Variants in SORCS3 observed in about 807,000 individuals in gnomAD.
The protein encoded by SORCS3 is VPS10 domain-containing receptor SorCS3.
Under a neutral mutation model 146.3 loss-of-function variants are expected in SORCS3, and 57 were observed. That is an observed-to-expected ratio of 0.39 (90% CI 0.31 to 0.49). SORCS3 has a LOEUF of 0.49. SORCS3 is among the 20% of genes least tolerant of loss of function. The pLI, the probability that SORCS3 is intolerant of heterozygous loss-of-function variation, is 0.92. For synonymous variants in SORCS3, 653 were observed against 618.5 expected (o/e 1.06, Z -0.83); for missense variants, 1,341 against 1,575.5 (o/e 0.85, Z 2.52).
At chr10:104,908,918 A>G (rs1237548233) in intron 2 of SORCS3, among the ~76,000 whole-genome samples, 3 of 152,216 alleles carry the variant, frequency 2.0e-5, no homozygotes, top group Admixed American at 6.5e-5. Context: ...ACAGAGGCAG[A>G]TGTTTGACCT....
intron 14 of SORCS3, among the ~76,000 whole-genome samples, chr10:105,198,459 A>C (rs1389185002): frequency 6.6e-6 from 1 of 152,216 alleles, no homozygotes. Context: ...TCTTCAAACA[A>C]GCAAAAATGT....
chr10:105,065,041 G>A (rs1380160662), intron 5 of SORCS3, among the ~76,000 whole-genome samples: 3 of 152,164 alleles, frequency 2.0e-5, no homozygotes, highest in Non-Finnish European at 4.4e-5. Flanking sequence ...AAATCACGTA[G>A]GGTGCAGGTA....
chr10:105,024,438 T>C (rs1427684987), intron 4 of SORCS3, among the ~76,000 whole-genome samples: 8 of 152,188 alleles, frequency 5.3e-5, no homozygotes, highest in Non-Finnish European at 1.2e-4. Flanking sequence ...GACAAGGATG[T>C]AGGCCCATCT....
chr10:105,174,564 A>C (rs2056384554), intron 13 of SORCS3, among the ~76,000 whole-genome samples: 1 of 152,110 alleles, frequency 6.6e-6, no homozygotes, highest in African/African-American at 2.4e-5. Flanking sequence ...TTTATTCTTC[A>C]TAACTGCCTC....
chr10:105,049,659 C>G (rs932736838), intron 5 of SORCS3, among the ~76,000 whole-genome samples: 1 of 151,948 alleles, frequency 6.6e-6, no homozygotes, highest in Non-Finnish European at 1.5e-5. Context: ...AAATCATGTC[C>G]TTTGCAGCAA....
intron 2 of SORCS3, among the ~76,000 whole-genome samples, chr10:104,912,682 A>G (rs2018981134): frequency 6.6e-6 from 1 of 152,220 alleles, no homozygotes; most frequent in Non-Finnish European, 1.5e-5. Flanking sequence ...AAAAACTATT[A>G]CTTTCAGCAG....
intron 1 of SORCS3, among the ~76,000 whole-genome samples, chr10:104,743,053 T>G (rs1473422430): frequency 6.6e-6 from 1 of 152,098 alleles, no homozygotes; most frequent in Non-Finnish European, 1.5e-5. Flanking sequence ...AATAATCCTG[T>G]GGGGTGGATA....
At chr10:104,954,844 G>A (rs2019470161) in intron 3 of SORCS3, among the ~76,000 whole-genome samples, 1 of 152,142 alleles carries the variant, frequency 6.6e-6, no homozygotes, top group African/African-American at 2.4e-5. Context: ...CAAGCTAGGT[G>A]GGAGTTAGTT....
At chr10:104,782,199 A>G (rs2017381680) in intron 1 of SORCS3, among the ~76,000 whole-genome samples, 1 of 152,328 alleles carries the variant, frequency 6.6e-6, no homozygotes, top group South Asian at 2.1e-4. Context: ...AGTGACTGAC[A>G]GGCACTGTCA....
chr10:105,245,566 A>G lies in SORCS3; in HGVS notation c.2893A>G (p.Ile965Val). The G allele has an allele frequency of 6.2e-7, 1 of 1,614,144 alleles. No individual in the cohort carries two copies. The highest frequency in any genetic ancestry group is 2.2e-5 in the East Asian group (1 of 44,872). ...GCCTCTCATCACTTTGGACAGCAGC[A>G]TTTCCTTCACATTCCTTGCAGAAGG... ...TKPLITLDSSISFTFLAEGTD... is the reference protein window; with the variant it reads ...TKPLITLDSSVSFTFLAEGTD... Residue 965 changes from isoleucine to valine, a missense_variant, in exon 21 of 27, where the codon ATT becomes GTT. By Grantham distance (29) the Ile-to-Val change is conservative. Coordinates refer to ENST00000369701, the MANE Select transcript of SORCS3 (RefSeq NM_014978.3).
chr10:104,716,063 T>C (rs935512299), intron 1 of SORCS3, among the ~76,000 whole-genome samples: 1 of 152,182 alleles, frequency 6.6e-6, no homozygotes, highest in East Asian at 1.9e-4. Flanking sequence ...GAATCCTCTT[T>C]CCCCAAATCT....
intron 1 of SORCS3, among the ~76,000 whole-genome samples, chr10:104,745,097 G>A (rs1316735711): frequency 1.3e-5 from 2 of 152,124 alleles, no homozygotes; most frequent in African/African-American, 2.4e-5. Context: ...TTTGAGGAGC[G>A]ATGTTCCATT....
At chr10:104,953,461 G>T (rs576036486) in intron 3 of SORCS3, among the ~76,000 whole-genome samples, 4 of 152,326 alleles carry the variant, frequency 2.6e-5, no homozygotes, top group Admixed American at 1.3e-4. Flanking sequence ...GTAGATTCAG[G>T]ACTTTGCTCT....
chr10:105,151,380 T>A (rs1348592093), intron 9 of SORCS3, among the ~76,000 whole-genome samples: 1 of 152,186 alleles, frequency 6.6e-6, no homozygotes, highest in Non-Finnish European at 1.5e-5. Context: ...TTTATCTTTT[T>A]TCCCCTCATA....
chr10:104,951,233 G>A (rs963202957), intron 3 of SORCS3, among the ~76,000 whole-genome samples: 4 of 152,110 alleles, frequency 2.6e-5, no homozygotes, highest in African/African-American at 9.7e-5. Context: ...CTATTAGACT[G>A]TAAATTTCTT....
In SORCS3 at chr10:105,158,969, A is replaced by G. The variant is rs2056237550; in HGVS notation, c.1707A>G (p.Thr569=). Residue 569 remains threonine, a synonymous_variant, in exon 11 of 27, where the codon ACA becomes ACG. Transcript: ENST00000369701. ...CAGGAAGAATCTCTAGCAAGGAGACAGCCCCAGGACTTGTGGTGGCTACAG... is the reference window on the plus strand; with the variant it reads ...CAGGAAGAATCTCTAGCAAGGAGACGGCCCCAGGACTTGTGGTGGCTACAG... ...YSSGRISSKE[T]APGLVVATGN... 2 of 1,612,708 alleles carry G rather than the reference A, an allele frequency of 1.2e-6. No individual in the cohort carries two copies.
intron 1 of SORCS3, among the ~76,000 whole-genome samples, chr10:104,827,789 C>T (rs1032570355): frequency 2.6e-5 from 4 of 152,194 alleles, no homozygotes; most frequent in African/African-American, 9.7e-5. Context: ...AGTGTAGCCA[C>T]CTTCATTAAT....
intron 8 of SORCS3, among the ~76,000 whole-genome samples, chr10:105,146,642 C>T (rs914359227): frequency 1.3e-5 from 2 of 152,016 alleles, no homozygotes; most frequent in African/African-American, 2.4e-5. Context: ...TATCCAGTGA[C>T]TGGAAACCAT....
chr10:105,242,670 T>A (rs1437727285), intron 20 of SORCS3, among the ~76,000 whole-genome samples: 2 of 101,336 alleles, frequency 2.0e-5, no homozygotes, highest in African/African-American at 8.2e-5. Context: ...TTATATATAT[T>A]TATATATATT....
Sources: allele counts gnomAD v4.1 joint callset (sites outside exome capture counted in the v4.1 genomes callset), GRCh38; gene constraint gnomAD v4.1.1; transcripts MANE v1.5; gene names NCBI Gene and HGNC (gene_info 2026-07-23, HGNC 2026-07-21).